The following MAGED1 variants were observed in gnomAD, a reference collection of about 807,000 sequenced individuals.
MAGED1 encodes the protein melanoma-associated antigen D1.
Under a neutral mutation model 54.1 loss-of-function variants are expected in MAGED1, and 3 were observed. That is an observed-to-expected ratio of 0.06 (90% CI 0.03 to 0.14). The LOEUF (loss-of-function observed/expected upper bound fraction) is 0.14, where lower values mean the gene tolerates loss of function less well. MAGED1 is among the 10% of genes least tolerant of loss of function. The pLI is 1.00. For synonymous variants in MAGED1, 217 were observed against 227.3 expected (o/e 0.95, Z 0.41); for missense variants, 485 against 623.4 (o/e 0.78, Z 2.36).
At chrX:51,873,189 G>A (rs1195270590) in intron 1 of MAGED1, among the ~76,000 whole-genome samples, 2 of 111,367 alleles carry the variant, frequency 1.8e-5, no homozygotes, top group Non-Finnish European at 3.8e-5. Flanking sequence ...GTGAAAGAGA[G>A]TGAGCAAGAG....
intron 1 of MAGED1, among the ~76,000 whole-genome samples, chrX:51,819,355 T>C (rs1412046835): frequency 9.1e-6 from 1 of 109,622 alleles, no homozygotes; most frequent in Non-Finnish European, 1.9e-5. Flanking sequence ...TGTCAAGCCG[T>C]TTCTTACCTG....
chrX:51,866,321 G>A (rs1321821604), intron 1 of MAGED1, among the ~76,000 whole-genome samples: 1 of 112,041 alleles, frequency 8.9e-6, no homozygotes, highest in Non-Finnish European at 1.9e-5. Context: ...ATTTGAGTCA[G>A]TACTGCTAGA....
At chrX:51,806,207 C>T (rs1223286201) in intron 1 of MAGED1, among the ~76,000 whole-genome samples, 3 of 110,032 alleles carry the variant, frequency 2.7e-5, no homozygotes, top group African/African-American at 3.3e-5. Context: ...CTCCTGACCT[C>T]GTGATCCACC....
intron 1 of MAGED1, among the ~76,000 whole-genome samples, chrX:51,826,641 A>G (rs1264479517): frequency 7.1e-5 from 8 of 112,428 alleles, no homozygotes; most frequent in Non-Finnish European, 1.3e-4. Flanking sequence ...AAGATGCTCA[A>G]CAGCATATGT....
chrX:51,812,026 C>T (rs1366966523), intron 1 of MAGED1, among the ~76,000 whole-genome samples: 3 of 110,396 alleles, frequency 2.7e-5, no homozygotes, highest in East Asian at 2.8e-4. Flanking sequence ...ATTGCAACAG[C>T]GGTGCTATGC....
chrX:51,896,279 G>A, intron 3 of MAGED1, 130 bp from the exon 4 acceptor site: 2 of 572,728 alleles, frequency 3.5e-6, no homozygotes, highest in Non-Finnish European at 5.4e-6. Context: ...ACAAACCCAG[G>A]ACTCAGGGTG....
chrX:51,830,131 C>T (rs1210156808), intron 1 of MAGED1, among the ~76,000 whole-genome samples: 1 of 111,853 alleles, frequency 8.9e-6, no homozygotes, highest in African/African-American at 3.2e-5. Flanking sequence ...GAAATCACAT[C>T]AATATATATC....
Position 51,845,283 on chromosome X carries a change from A to G in MAGED1, c.-37+42166A>G, listed in dbSNP as rs1161304681. On this transcript the variant is annotated intron_variant, in intron 1 of 12. Transcript: ENST00000375772. Reference sequence around the variant, plus strand: ...GCAACAAAACAAAACAAACAAACAAAAAATTTAGCTGTAAATACATGCTAC... The same window carrying G: ...GCAACAAAACAAAACAAACAAACAAGAAATTTAGCTGTAAATACATGCTAC... Among the ~76,000 whole-genome samples the G allele has an allele frequency of 7.2e-5, 8 of 111,549 alleles. No individual in the cohort carries two copies. The Middle Eastern group carries it at 0.014, about 192-fold the overall frequency.
intron 1 of MAGED1, among the ~76,000 whole-genome samples, chrX:51,886,741 A>G (rs1438192913): frequency 9.0e-6 from 1 of 111,322 alleles, no homozygotes; most frequent in African/African-American, 3.3e-5. Context: ...TATCCTAGCA[A>G]TGAGCACGTG....
At chrX:51,859,899 C>T (rs144681761) in intron 1 of MAGED1, among the ~76,000 whole-genome samples, 1,299 of 110,117 alleles carry the variant, frequency 0.012, 23 homozygotes, top group African/African-American at 0.04. Context: ...CATGCAACTG[C>T]ACTCCAACCT....
intron 1 of MAGED1, among the ~76,000 whole-genome samples, chrX:51,813,540 G>T (rs782352517): frequency 8.9e-6 from 1 of 112,005 alleles, no homozygotes; most frequent in Non-Finnish European, 1.9e-5. Flanking sequence ...TTTCTAACCT[G>T]CTTAGGAGAC....
At chrX:51,894,970 G>A in intron 2 of MAGED1, 83 bp from the exon 3 acceptor site, 1 of 940,979 alleles carries the variant, frequency 1.1e-6, no homozygotes, top group Non-Finnish European at 1.4e-6. Context: ...CCGCTGCTGC[G>A]CTGCCACCCG....
At chrX:51,896,191 G>T in intron 3 of MAGED1, 1 of 431,184 alleles carries the variant, frequency 2.3e-6, no homozygotes, top group Non-Finnish European at 4.0e-6. Context: ...ATAGGAAGAG[G>T]AGAAGCCTCA....
chrX:51,832,393 T>C (rs1291183586), intron 1 of MAGED1, among the ~76,000 whole-genome samples: 1 of 111,496 alleles, frequency 9.0e-6, no homozygotes, highest in African/African-American at 3.3e-5. Flanking sequence ...ATTGTGCTAC[T>C]GAATACTAGA....
intron 1 of MAGED1, among the ~76,000 whole-genome samples, chrX:51,837,713 G>C (rs959166262): frequency 3.6e-5 from 4 of 112,156 alleles, no homozygotes; most frequent in Non-Finnish European, 7.5e-5. Flanking sequence ...GGTAGGTACT[G>C]TTATTATCCC....
At chrX:51,861,511 CT>C (rs1462622417) in intron 1 of MAGED1, among the ~76,000 whole-genome samples, 2 of 111,402 alleles carry the variant, frequency 1.8e-5, no homozygotes, top group Non-Finnish European at 3.8e-5. Flanking sequence ...CCTCAATTAC[CT>C]TCTCTATTCT....
chrX:51,872,810 A>G (rs147985466), intron 1 of MAGED1, among the ~76,000 whole-genome samples: 3 of 112,109 alleles, frequency 2.7e-5, no homozygotes, highest in African/African-American at 9.7e-5. Flanking sequence ...TGCCATGGCA[A>G]TGACCTGGAA....
At chrX:51,875,952 T>C (rs1192228868) in intron 1 of MAGED1, among the ~76,000 whole-genome samples, 2 of 111,653 alleles carry the variant, frequency 1.8e-5, no homozygotes, top group Non-Finnish European at 3.8e-5. Flanking sequence ...TCCAAGACTA[T>C]AGTAAGTGTT....
intron 1 of MAGED1, among the ~76,000 whole-genome samples, chrX:51,877,428 T>G (rs191405683): frequency 9.0e-6 from 1 of 111,458 alleles, no homozygotes; most frequent in East Asian, 2.8e-4. Flanking sequence ...TTGCTAGTGT[T>G]GACAAAAACC....
Sources: gnomAD v4.1 joint callset for allele counts (sites outside exome capture counted in the v4.1 genomes callset) on GRCh38, gnomAD v4.1.1 for gene constraint, MANE v1.5 for transcripts, NCBI Gene and HGNC (gene_info 2026-07-23, HGNC 2026-07-21) for gene names.